TENM1: variants seen among roughly 807,000 people sequenced by gnomAD.
The protein encoded by TENM1 is teneurin transmembrane protein 1.
In TENM1, 35 loss-of-function variants were observed where a neutral mutation model predicts 174.8. The ratio of observed to expected loss-of-function variants is 0.20; its 90% confidence interval spans 0.15 to 0.27. The LOEUF (loss-of-function observed/expected upper bound fraction) is 0.27, where lower values mean the gene tolerates loss of function less well. Among genes scored for constraint, TENM1 ranks in the 10% least tolerant of loss-of-function variants. The pLI is 1.00. For missense variants in TENM1, 1,633 were observed against 2,130.1 expected (o/e 0.77, Z 4.59); for synonymous variants, 781 against 798.7 (o/e 0.98, Z 0.37).
At chrX:124,974,902 A>ATATATATATTTAT in the TENM1 span, among the ~76,000 whole-genome samples, 1 of 92,020 alleles carries the variant, frequency 1.1e-5, no homozygotes, top group African/African-American at 4.4e-5. Flanking sequence ...ATATATATAT[A>ATATATATATTTAT]AAATAATTTT....
chrX:124,841,721 A>G (rs1365921871), intron 3 of TENM1, among the ~76,000 whole-genome samples: 1 of 110,854 alleles, frequency 9.0e-6, no homozygotes, highest in Non-Finnish European at 1.9e-5. Flanking sequence ...AATGTTCACT[A>G]TGTCTTTATC....
chrX:124,657,991 ATCT>A (rs2051491234), intron 6 of TENM1, among the ~76,000 whole-genome samples: 1 of 112,246 alleles, frequency 8.9e-6, no homozygotes, highest in Non-Finnish European at 1.9e-5. Context: ...TATAAGTATC[ATCT>A]TCTTTATGTT....
At chrX:124,842,179 C>T (rs2056516224) in intron 3 of TENM1, among the ~76,000 whole-genome samples, 1 of 111,323 alleles carries the variant, frequency 9.0e-6, no homozygotes, top group Admixed American at 9.6e-5. Context: ...GCCTAGAACT[C>T]CATATTACCA....
At chrX:124,995,410 T>C in the TENM1 span, among the ~76,000 whole-genome samples, 1 of 111,415 alleles carries the variant, frequency 9.0e-6, no homozygotes, top group African/African-American at 3.3e-5. Context: ...AAATATTAAT[T>C]TAATAAATGA....
chrX:124,800,758 A>T (rs1361888668), intron 3 of TENM1, among the ~76,000 whole-genome samples: 1 of 111,581 alleles, frequency 9.0e-6, no homozygotes, highest in Non-Finnish European at 1.9e-5. Flanking sequence ...TTTCCCTCTT[A>T]ACACTGCTTT....
At chrX:124,970,747 C>A in the TENM1 span, among the ~76,000 whole-genome samples, 2 of 111,217 alleles carry the variant, frequency 1.8e-5, no homozygotes, top group Admixed American at 9.5e-5. Flanking sequence ...AAGGATCTAG[C>A]ACTAGAAATA....
At chrX:124,472,788 C>A (rs1467193093) in intron 22 of TENM1, among the ~76,000 whole-genome samples, 1 of 110,885 alleles carries the variant, frequency 9.0e-6, no homozygotes, top group Non-Finnish European at 1.9e-5. Context: ...CAGATTCCTT[C>A]AAAAATCAGC....
chrX:124,951,066 G>A (rs1383680510), intron 1 of TENM1, among the ~76,000 whole-genome samples: 2 of 111,442 alleles, frequency 1.8e-5, no homozygotes, highest in Middle Eastern at 4.6e-3. Flanking sequence ...ATATTGAAAT[G>A]TACATTTTAA....
At chrX:124,785,029 C>T (rs186870208) in intron 3 of TENM1, among the ~76,000 whole-genome samples, 1 of 111,703 alleles carries the variant, frequency 9.0e-6, no homozygotes, top group African/African-American at 3.2e-5. Context: ...GGCTAGTCAC[C>T]TATTGAGGAA....
chrX:124,542,641 G>A lies in TENM1; in HGVS notation c.2651+4233C>T, dbSNP rs142642757. On this transcript the variant is annotated intron_variant, in intron 15 of 31. Transcript: ENST00000422452. ...ATAGACATAATAATCAAATTCCTGC[G>A]AACATACACATTCTTCTCATAAAAT... Among the ~76,000 whole-genome samples, 1,008 of 110,837 alleles carry A rather than the reference G, an allele frequency of 9.1e-3. 11 individuals are homozygous for A. Among genetic ancestry groups the A allele is most frequent in the African/African-American group, 0.031 (931 of 30,495 alleles).
chrX:124,755,434 C>G (rs1377472577), intron 3 of TENM1, among the ~76,000 whole-genome samples: 1 of 111,014 alleles, frequency 9.0e-6, no homozygotes, highest in African/African-American at 3.3e-5. Flanking sequence ...GGTCTTGACT[C>G]TTTATCCAAT....
rs751247716 is a variant in TENM1 at position 124,676,785 on chromosome X, A to G, written c.1016-4950T>C. Among the ~76,000 whole-genome samples the G allele has an allele frequency of 2.8e-5, 3 of 108,318 alleles. No homozygotes were observed. The South Asian group carries it at 1.2e-3, about 45-fold the overall frequency. 94.1% of individuals were successfully genotyped at this position (108,318 alleles called of 115,157 possible). A position where few individuals can be genotyped will look rare whatever the true frequency, so the allele number is the denominator to read the frequency against. ...ATGTTGGACTATGTTTCTCATAAATAAGACTGGTGGTCTCTAGCAACATTT... is the reference window on the plus strand; with the variant it reads ...ATGTTGGACTATGTTTCTCATAAATGAGACTGGTGGTCTCTAGCAACATTT... On this transcript the variant is annotated intron_variant, in intron 5 of 31. Coordinates refer to ENST00000422452, the Ensembl canonical transcript of TENM1.
intron 16 of TENM1, among the ~76,000 whole-genome samples, chrX:124,526,628 T>G (rs2047982625): frequency 8.9e-6 from 1 of 112,312 alleles, no homozygotes; most frequent in Non-Finnish European, 1.9e-5. Flanking sequence ...AATAACAGGT[T>G]ATTAAGTCAT....
intron 15 of TENM1, among the ~76,000 whole-genome samples, chrX:124,544,852 A>G (rs1201360641): frequency 8.9e-6 from 1 of 111,945 alleles, no homozygotes; most frequent in Non-Finnish European, 1.9e-5. Context: ...GTTTCCTTAT[A>G]TATAAAATGC....
chrX:124,732,057 T>G (rs1291482732), intron 4 of TENM1, among the ~76,000 whole-genome samples: 1 of 112,093 alleles, frequency 8.9e-6, no homozygotes, highest in East Asian at 2.8e-4. Context: ...ATGGTAGAAT[T>G]AGAACTCAGC....
At chrX:124,991,999 G>A in the TENM1 span, among the ~76,000 whole-genome samples, 1 of 110,720 alleles carries the variant, frequency 9.0e-6, no homozygotes, top group Non-Finnish European at 1.9e-5. Flanking sequence ...CAAGCCTAGG[G>A]TAACACACTC....
chrX:125,054,718 T>G, the TENM1 span, among the ~76,000 whole-genome samples: 1 of 111,781 alleles, frequency 8.9e-6, no homozygotes, highest in South Asian at 3.8e-4. Context: ...TATTCAACAC[T>G]GACTTTTGAT....
At chrX:124,986,819 T>C in the TENM1 span, among the ~76,000 whole-genome samples, 1 of 111,294 alleles carries the variant, frequency 9.0e-6, no homozygotes, top group Non-Finnish European at 1.9e-5. Flanking sequence ...TTTTTGTATT[T>C]TTAGTAGAGA....
chrX:125,065,480 T>C, the TENM1 span, among the ~76,000 whole-genome samples: 3 of 111,495 alleles, frequency 2.7e-5, no homozygotes, highest in South Asian at 1.1e-3. Flanking sequence ...TCCTAATCTT[T>C]AAAAATCTGT....
Sources: gnomAD v4.1 joint callset for allele counts (sites outside exome capture counted in the v4.1 genomes callset) on GRCh38, gnomAD v4.1.1 for gene constraint, MANE v1.5 for transcripts, NCBI Gene and HGNC (gene_info 2026-07-23, HGNC 2026-07-21) for gene names.